DNAAF10: variants seen among roughly 807,000 people sequenced by gnomAD.
DNAAF10 encodes dynein axonemal assembly factor 10, also known as WD repeat domain 92.
A neutral mutation model predicts 43.7 loss-of-function variants in DNAAF10; 28 were observed. The observed-to-expected ratio is 0.64, with a 90% CI of 0.48 to 0.88. The LOEUF is 0.88. Among genes scored for constraint, DNAAF10 ranks in the 40% least tolerant of loss-of-function variants. The pLI is 0.00. For missense variants in DNAAF10, 403 were observed against 439.1 expected, an observed-to-expected ratio of 0.92 and a Z score of 0.73; for synonymous variants, 156 against 157.3, an observed-to-expected ratio of 0.99 and a Z score of 0.06.
At chr2:68,145,759 A>G (rs918001816) in intron 2 of DNAAF10, among the ~76,000 whole-genome samples, 3 of 152,202 alleles carry the variant, frequency 2.0e-5, no homozygotes, top group Non-Finnish European at 2.9e-5. Context: ...TGGGCAATGA[A>G]TGGCTTGACT....
intron 5 of DNAAF10, among the ~76,000 whole-genome samples, chr2:68,138,517 C>T (rs1304235700): frequency 6.6e-6 from 1 of 152,210 alleles, no homozygotes; most frequent in Admixed American, 6.5e-5. Flanking sequence ...GGGCTGGTGA[C>T]TCCCCCAACG....
Position 68,144,650 on chromosome 2 carries a change from A to G in DNAAF10, c.350T>C (p.Ile117Thr). ...AATTCCTAGTCCACCTATGCCATCT[A>G]TGGCATTTATAATTTCTTTATGGCC... The part of the protein sequence containing the change: ...VKGHKEIINA[I>T]DGIGGLGIGE... Residue 117 changes from isoleucine to threonine, a missense_variant, in exon 3 of 8, where the codon ATA (isoleucine) becomes ACA (threonine). Physicochemically the swap from Ile to Thr is moderately conservative, Grantham distance 89 (BLOSUM62 -1). Coordinates refer to ENST00000295121, the MANE Select transcript of DNAAF10 (RefSeq NM_138458.4). The G allele has an allele frequency of 6.2e-7, 1 of 1,614,064 alleles. No individual in the cohort carries two copies. The highest frequency in any genetic ancestry group is 8.5e-7 in the Non-Finnish European group (1 of 1,180,018).
chr2:68,138,687 A>C, intron 5 of DNAAF10, 55 bp downstream of exon 5: 1 of 1,283,530 alleles, frequency 7.8e-7, no homozygotes, highest in Non-Finnish European at 1.1e-6. Context: ...GTAATAGTTC[A>C]GAGGTGAATG....
At chr2:68,136,694 C>A (rs1359508101) in intron 6 of DNAAF10, among the ~76,000 whole-genome samples, 1 of 152,158 alleles carries the variant, frequency 6.6e-6, no homozygotes, top group African/African-American at 2.4e-5. Context: ...CTGTAATCCC[C>A]CCAGTCCAGA....
intron 1 of DNAAF10, among the ~76,000 whole-genome samples, chr2:68,154,760 A>C (rs951034268): frequency 2.8e-4 from 43 of 152,052 alleles, no homozygotes; most frequent in African/African-American, 8.9e-4. Context: ...AAATACATAC[A>C]AATCATATAT....
intron 3 of DNAAF10, among the ~76,000 whole-genome samples, 167 bp from the exon 4 acceptor site, chr2:68,141,962 T>C (rs571673088): frequency 1.2e-4 from 18 of 152,346 alleles, no homozygotes; most frequent in African/African-American, 4.3e-4. Flanking sequence ...TTGTATTTAA[T>C]ATCAGAGATA....
intron 7 of DNAAF10, chr2:68,131,674 A>G (rs776223501): frequency 2.0e-6 from 1 of 489,552 alleles, no homozygotes. Flanking sequence ...AAAACTTCTA[A>G]AAGTCATTTC....
intron 5 of DNAAF10, among the ~76,000 whole-genome samples, chr2:68,137,654 G>C (rs967106065): frequency 6.6e-6 from 1 of 151,894 alleles, no homozygotes; most frequent in African/African-American, 2.4e-5. Context: ...GGATCACGAA[G>C]TCAGGAGATC....
chr2:68,139,702 G>C (rs1673131287), intron 4 of DNAAF10, among the ~76,000 whole-genome samples: 3 of 151,592 alleles, frequency 2.0e-5, no homozygotes, highest in South Asian at 4.2e-4. Context: ...TACTCGGGAG[G>C]CTGAGGCAGG....
intron 2 of DNAAF10, among the ~76,000 whole-genome samples, chr2:68,146,226 C>T (rs368076779): frequency 2.4e-4 from 37 of 152,290 alleles, no homozygotes; most frequent in Middle Eastern, 3.4e-3. Flanking sequence ...CGCATCACTA[C>T]ACTCCAGCCT....
chr2:68,150,956 A>G (rs1441531351), intron 1 of DNAAF10, among the ~76,000 whole-genome samples: 8 of 152,210 alleles, frequency 5.3e-5, no homozygotes. Flanking sequence ...CAATGTGCAG[A>G]TTCTTTGACA....
chr2:68,139,884 GTC>G (rs1673136070), intron 4 of DNAAF10, among the ~76,000 whole-genome samples: 1 of 152,056 alleles, frequency 6.6e-6, no homozygotes, highest in Admixed American at 6.5e-5. Flanking sequence ...ACACAAAGGG[GTC>G]TCAGAGAATA....
chr2:68,134,804 A>G lies in DNAAF10; in HGVS notation c.769-5T>C, dbSNP rs775103703. 100 of 1,613,534 alleles carry G rather than the reference A, an allele frequency of 6.2e-5. No homozygotes were observed. The highest frequency in any genetic ancestry group is 8.2e-5 in the Non-Finnish European group (97 of 1,179,908). The stretch of plus-strand genomic sequence containing the variant: ...CCACACAGTAGATTTATGAGCCTAA[A>G]TAGAACAAGAGGCATACAACTGGTT... On this transcript the variant is annotated splice_region_variant and splice_polypyrimidine_tract_variant and intron_variant, in intron 6 of 7. Coordinates refer to ENST00000295121, the MANE Select transcript of DNAAF10 (RefSeq NM_138458.4).
At chr2:68,157,240 G>A (rs755172486) in intron 1 of DNAAF10, 21 bp downstream of exon 1, 1 of 1,603,278 alleles carries the variant, frequency 6.2e-7, no homozygotes, top group Non-Finnish European at 8.5e-7. Context: ...CGGCAGTCCG[G>A]ATCCTCGACC....
At chr2:68,148,391 G>C (rs1572925590) in intron 1 of DNAAF10, among the ~76,000 whole-genome samples, 1 of 152,110 alleles carries the variant, frequency 6.6e-6, no homozygotes, top group Non-Finnish European at 1.5e-5. Flanking sequence ...AATGAGATTG[G>C]CCAGTCCCTC....
intron 2 of DNAAF10, among the ~76,000 whole-genome samples, chr2:68,146,577 G>T (rs1318885103): frequency 6.6e-6 from 1 of 152,072 alleles, no homozygotes; most frequent in African/African-American, 2.4e-5. Flanking sequence ...CTTTCTCACA[G>T]TATCTCTCGA....
At chr2:68,153,727 A>G (rs1042015858) in intron 1 of DNAAF10, among the ~76,000 whole-genome samples, 2 of 150,832 alleles carry the variant, frequency 1.3e-5, no homozygotes, top group South Asian at 4.2e-4. Context: ...TTGCACCAGA[A>G]CAGCCAAACA....
chr2:68,137,173 AG>A (rs1673063871), intron 6 of DNAAF10, 125 bp downstream of exon 6: 1 of 1,106,612 alleles, frequency 9.0e-7, no homozygotes. Flanking sequence ...AAGATCTCAC[AG>A]GAATATATCA....
Position 68,157,236 on chromosome 2 carries a change from T to A in DNAAF10, c.183+25A>T, listed in dbSNP as rs754118425. ...GATCCGCACTCGCCCCCAACGGCAG[T>A]CCGGATCCTCGACCCGGCACCCACC... is the stretch of plus-strand genomic sequence containing the variant. On this transcript the variant is annotated intron_variant, in intron 1 of 7. Coordinates refer to ENST00000295121, the MANE Select transcript of DNAAF10 (RefSeq NM_138458.4). The A allele has an allele frequency of 2.4e-5, 39 of 1,600,138 alleles. No individual in the cohort carries two copies. The South Asian group carries it at 4.2e-4, about 17-fold the overall frequency.
Sources: allele counts gnomAD v4.1 joint callset (sites outside exome capture counted in the v4.1 genomes callset), GRCh38; gene constraint gnomAD v4.1.1; transcripts MANE v1.5; gene names NCBI Gene and HGNC (gene_info 2026-07-23, HGNC 2026-07-21).